The following NHSL1 variants were observed in gnomAD, a reference collection of about 807,000 sequenced individuals.
The protein encoded by NHSL1 is NHS like 1, also known as NHS-like protein 1.
A neutral mutation model predicts 95.0 loss-of-function variants in NHSL1; 48 were observed. That is an observed-to-expected ratio of 0.51 (90% CI 0.40 to 0.64). The LOEUF is 0.64. Among genes scored for constraint, NHSL1 ranks in the 30% least tolerant of loss-of-function variants. The pLI is 0.00. For synonymous variants in NHSL1, 783 were observed against 833.9 expected (o/e 0.94, Z 1.05); for missense variants, 1,971 against 2,077.7 (o/e 0.95, Z 1.00).
upstream of NHSL1, among the ~76,000 whole-genome samples, chr6:138,503,957 G>A (rs1230603512): frequency 6.6e-6 from 1 of 152,048 alleles, no homozygotes; most frequent in African/African-American, 2.4e-5. Context: ...GAGGCTGGAT[G>A]TAATGGCTCA....
chr6:138,583,128 G>C (rs1784085407), intron 1 of NHSL1, among the ~76,000 whole-genome samples: 1 of 152,190 alleles, frequency 6.6e-6, no homozygotes, highest in Non-Finnish European at 1.5e-5. Flanking sequence ...TGGGTACAAA[G>C]GATGGCTGGT....
chr6:138,493,402 T>C (rs1020473442), intron 2 of NHSL1, among the ~76,000 whole-genome samples: 1 of 152,240 alleles, frequency 6.6e-6, no homozygotes, highest in Admixed American at 6.5e-5. Flanking sequence ...ATAGATGTAC[T>C]GCATATTCAA....
intron 3 of NHSL1, among the ~76,000 whole-genome samples, chr6:138,458,230 T>C (rs1295561244): frequency 2.0e-5 from 3 of 152,208 alleles, no homozygotes; most frequent in African/African-American, 7.2e-5. Context: ...AATATTCTGT[T>C]ATACTGGTTT....
At chr6:138,459,184 C>T (rs1161704344) in intron 3 of NHSL1, among the ~76,000 whole-genome samples, 3 of 152,048 alleles carry the variant, frequency 2.0e-5, no homozygotes, top group Admixed American at 2.0e-4. Flanking sequence ...GATGGGGTTT[C>T]GCCATGTTGG....
At chr6:138,535,970 G>C (rs1038059247) in intron 1 of NHSL1, among the ~76,000 whole-genome samples, 2 of 152,240 alleles carry the variant, frequency 1.3e-5, no homozygotes, top group Non-Finnish European at 1.5e-5. Flanking sequence ...CTAGTTGCTG[G>C]GGGGCCAACG....
At chr6:138,606,814 T>G (rs780706707) in intron 1 of NHSL1, among the ~76,000 whole-genome samples, 11 of 150,356 alleles carry the variant, frequency 7.3e-5, no homozygotes, top group Non-Finnish European at 1.2e-4. Context: ...GCCATTCTCC[T>G]GCCTCAGCCT....
Position 138,433,496 on chromosome 6 carries a change from C to A in NHSL1, c.849G>T (p.Lys283Asn). Reference sequence around the variant, plus strand: ...CCATCTGGGCAGCAATGCCTTGCCCCTTCTGTGCCCTGATTCTCCTCATGG... The same window carrying A: ...CCATCTGGGCAGCAATGCCTTGCCCATTCTGTGCCCTGATTCTCCTCATGG... ...PPSMRRIRAQ[K>N]GQGIAAQMGH... Residue 283 changes from lysine to asparagine, a missense_variant, in exon 6 of 8, where the codon AAG becomes AAT. Coordinates refer to ENST00000343505, the MANE Select transcript of NHSL1 (RefSeq NM_001144060.2). 1 of 1,552,092 alleles carries A rather than the reference C, an allele frequency of 6.4e-7. No individual in the cohort carries two copies. The highest frequency in any genetic ancestry group is 8.7e-7 in the Non-Finnish European group (1 of 1,147,090).
At chr6:138,560,429 C>T (rs1407895480) in intron 1 of NHSL1, among the ~76,000 whole-genome samples, 1 of 152,172 alleles carries the variant, frequency 6.6e-6, no homozygotes, top group African/African-American at 2.4e-5. Context: ...CAGAACAACA[C>T]TCAGGCATGC....
chr6:138,525,872 A>C (rs1211307858), intron 1 of NHSL1, among the ~76,000 whole-genome samples: 3 of 150,270 alleles, frequency 2.0e-5, no homozygotes, highest in Non-Finnish European at 4.4e-5. Context: ...CAAGGTAGGC[A>C]GATCACCTGA....
intron 2 of NHSL1, among the ~76,000 whole-genome samples, chr6:138,494,569 ATAG>A (rs958964251): frequency 6.6e-5 from 10 of 152,208 alleles, no homozygotes; most frequent in Middle Eastern, 3.2e-3. Context: ...ATCAGTCATC[ATAG>A]TGGTGGTACA....
intron 2 of NHSL1, among the ~76,000 whole-genome samples, chr6:138,476,957 T>TAAAAAAAA (rs58311101): frequency 2.0e-5 from 2 of 100,556 alleles, no homozygotes; most frequent in Admixed American, 9.1e-5. Flanking sequence ...TCCCTGAATC[T>TAAAAAAAA]AAAAAAAAAA....
intron 5 of NHSL1, 134 bp downstream of exon 5, chr6:138,441,849 G>T: frequency 1.3e-6 from 1 of 756,540 alleles, no homozygotes; most frequent in Non-Finnish European, 2.0e-6. Flanking sequence ...GCCTCATTCA[G>T]GAAGGAAGCT....
chr6:138,645,969 CAA>C, intron 1 of NHSL1, among the ~76,000 whole-genome samples: 1 of 152,236 alleles, frequency 6.6e-6, no homozygotes, highest in African/African-American at 2.4e-5. Flanking sequence ...ATATAATCAG[CAA>C]AAAGATAAAC....
chr6:138,431,619 G>A lies in NHSL1; in HGVS notation c.2726C>T (p.Thr909Ile). 3.2e-6 allele frequency: 5 copies of A among 1,551,410 alleles called. No individual in the cohort carries two copies. Among genetic ancestry groups the A allele is most frequent in the Non-Finnish European group, 4.4e-6 (5 of 1,146,712 alleles). ...SSSSTSLSSS[T>I]STEGSGTMKK... ...CATAGTGCCACTTCCTTCAGTAGAA[G>A]TACTAGAAGAAAGAGAAGTGGACGA... Residue 909 changes from threonine (T) to isoleucine (I), a missense_variant, in exon 6 of 8, where the codon ACT (threonine) becomes ATT (isoleucine). Around this residue, in one of 3 missense-constraint regions of NHSL1, gnomAD observed 1,602 missense variants for 1,654.5 expected, o/e 0.97. Coordinates refer to ENST00000343505, the MANE Select transcript of NHSL1 (RefSeq NM_001144060.2). This position sits in a 1 kb window ranked among gnomAD's most constrained non-coding sequence, Gnocchi z 4.0.
At chr6:138,490,879 G>A (rs777077035) in intron 2 of NHSL1, among the ~76,000 whole-genome samples, 16 of 152,156 alleles carry the variant, frequency 1.1e-4, no homozygotes, top group Non-Finnish European at 1.5e-4. Flanking sequence ...TGATCCGCCC[G>A]CCTTGGCCTC....
At chr6:138,425,816 G>A (rs1775226139) in intron 7 of NHSL1, among the ~76,000 whole-genome samples, 2 of 151,824 alleles carry the variant, frequency 1.3e-5, no homozygotes, top group African/African-American at 2.4e-5. Flanking sequence ...CCAGGACCAT[G>A]TGCCAACTTC....
At chr6:138,509,961 C>G (rs1781142758) in intron 1 of NHSL1, among the ~76,000 whole-genome samples, 1 of 152,106 alleles carries the variant, frequency 6.6e-6, no homozygotes, top group Admixed American at 6.5e-5. Flanking sequence ...ACAAAGGAGT[C>G]CAAAAGTGTT....
At chr6:138,608,785 G>A (rs1325032487) in intron 1 of NHSL1, among the ~76,000 whole-genome samples, 3 of 152,150 alleles carry the variant, frequency 2.0e-5, no homozygotes, top group Admixed American at 2.0e-4. Flanking sequence ...AAATAACTGT[G>A]CCAGTTATAT....
At chr6:138,570,158 AG>A (rs1783786150) in intron 1 of NHSL1, among the ~76,000 whole-genome samples, 1 of 152,224 alleles carries the variant, frequency 6.6e-6, no homozygotes, top group South Asian at 2.1e-4. Context: ...CATCTACAGT[AG>A]AAATCCTACA....
Sources: allele counts gnomAD v4.1 joint callset (sites outside exome capture counted in the v4.1 genomes callset), GRCh38; gene constraint gnomAD v4.1.1; regional missense constraint gnomAD v4.1.1; non-coding constraint Gnocchi (gnomAD v3.1); transcripts MANE v1.5; gene names NCBI Gene and HGNC (gene_info 2026-07-23, HGNC 2026-07-21).